The following HSPA9 variants were observed in gnomAD, a reference collection of about 807,000 sequenced individuals.
HSPA9 encodes the protein heat shock protein family A (Hsp70) member 9.
A neutral mutation model predicts 81.5 loss-of-function variants in HSPA9; 28 were observed. The observed-to-expected ratio is 0.34, with a 90% CI of 0.25 to 0.47. The LOEUF is 0.47. Ranked by LOEUF, HSPA9 falls within the 20% of genes least tolerant of loss-of-function variation. HSPA9 has a pLI of 1.00. For missense variants in HSPA9, 678 were observed against 838.0 expected (o/e 0.81, Z 2.36); for synonymous variants, 293 against 290.4 (o/e 1.01, Z -0.09).
Position 138,561,177 on chromosome 5 carries a change from G to A in HSPA9, c.1182+403C>T, listed in dbSNP as rs575426353. 301 of 424,034 alleles carry A rather than the reference G, an allele frequency of 7.1e-4. 2 individuals carry two copies. Among genetic ancestry groups the A allele is most frequent in the African/African-American group, 5.4e-3 (268 of 49,732 alleles). The allele number at this position is 424,034 out of a possible 1,614,324, so 26.3% of individuals were successfully genotyped here. A position where few individuals can be genotyped will look rare whatever the true frequency, so the allele number is the denominator to read the frequency against. On this transcript the variant is annotated intron_variant, in intron 10 of 16. Transcript: ENST00000297185. ...GTACAAAGATGGTGGCCGGGGGCGGGGTATTACCAAGGTTTTATGTTCCCC... is the reference window on the plus strand; with the variant it reads ...GTACAAAGATGGTGGCCGGGGGCGGAGTATTACCAAGGTTTTATGTTCCCC...
At chr5:138,570,811 C>G (rs1750866977) in intron 4 of HSPA9, 149 bp downstream of exon 4, 12 of 775,646 alleles carry the variant, frequency 1.5e-5, no homozygotes, top group Non-Finnish European at 2.2e-5. Flanking sequence ...AGGGATTACC[C>G]TTTTGGCAGT....
At chr5:138,561,336 T>TA (rs1270053514) in intron 10 of HSPA9, among the ~76,000 whole-genome samples, 3 of 152,120 alleles carry the variant, frequency 2.0e-5, no homozygotes, top group African/African-American at 7.2e-5. Flanking sequence ...ATATATAAAT[T>TA]AGACTCATGT....
chr5:138,558,118 C>T (rs1351700771), intron 12 of HSPA9, 132 bp from the exon 13 acceptor site: 5 of 730,466 alleles, frequency 6.8e-6, no homozygotes, highest in Non-Finnish European at 9.9e-6. Flanking sequence ...ATGTACAAAA[C>T]ACAAAGTTTA....
rs1317703655 is a variant in HSPA9 at position 138,569,122 on chromosome 5, G to A, written c.411-73C>T. ...CCATGACAAAATTACCACATACCAT[G>A]AACATCCATCTTCCACCCCAAGAGA... is the stretch of plus-strand genomic sequence containing the variant. On this transcript the variant is annotated intron_variant, in intron 4 of 16. Transcript: ENST00000297185. 5.6e-6 allele frequency: 8 copies of A among 1,435,880 alleles called. No homozygotes were observed. In the East Asian group the frequency reaches 9.2e-5, roughly 17 times the overall value. The allele number at this position is 1,435,880 out of a possible 1,614,324, so 88.9% of individuals were successfully genotyped here.
chr5:138,573,666 AAAGC>A, intron 3 of HSPA9, 93 bp downstream of exon 3: 1 of 607,788 alleles, frequency 1.6e-6, no homozygotes, highest in Non-Finnish European at 2.8e-6. Flanking sequence ...AAAAAAAAAA[AAAGC>A]GCAAATCAGG....
chr5:138,564,625 A>T (rs571163513), intron 9 of HSPA9, among the ~76,000 whole-genome samples: 1 of 152,150 alleles, frequency 6.6e-6, no homozygotes, highest in African/African-American at 2.4e-5. Context: ...CTGGTCCCCA[A>T]TTCCTGAGCT....
intron 1 of HSPA9, 185 bp from the exon 2 acceptor site, chr5:138,574,311 G>T: frequency 1.6e-6 from 1 of 641,206 alleles, no homozygotes; most frequent in Non-Finnish European, 2.8e-6. Flanking sequence ...ATTACAGTAG[G>T]ATTTCTCAAC....
intron 9 of HSPA9, among the ~76,000 whole-genome samples, chr5:138,566,113 A>G (rs1170610066): frequency 1.4e-5 from 2 of 146,652 alleles, no homozygotes; most frequent in African/African-American, 5.0e-5. Flanking sequence ...ACTTGAACCC[A>G]GGAGGCAGAG....
intron 13 of HSPA9, 40 bp downstream of exon 13, chr5:138,557,829 C>CT: frequency 8.0e-7 from 1 of 1,244,826 alleles, no homozygotes; most frequent in African/African-American, 1.5e-5. Context: ...CAAGACCTCC[C>CT]TCACCTCACT....
intron 9 of HSPA9, 105 bp downstream of exon 9, chr5:138,566,521 A>G: frequency 1.2e-6 from 1 of 863,348 alleles, no homozygotes; most frequent in Non-Finnish European, 2.0e-6. Context: ...ACAAACAAAC[A>G]AAAAAAACTC....
Position 138,567,118 on chromosome 5 carries a change from G to A in HSPA9, c.762C>T (p.Ile254=), listed in dbSNP as rs779217357. 2 of 1,613,028 alleles carry A rather than the reference G, an allele frequency of 1.2e-6. No homozygotes were observed. The highest frequency in any genetic ancestry group is 1.1e-5 in the South Asian group (1 of 91,054). Residue 254 remains isoleucine (I), a synonymous_variant, in exon 8 of 17, where the codon ATC becomes ATT. Transcript: ENST00000297185. The stretch of plus-strand genomic sequence containing the variant: ...CAAATACTCCTTTCTGAATTTCCAG[G>A]ATAGAAATATCAAAAGTTCCACCAC... ...DLGGGTFDIS[I]LEIQKGVFEV...
chr5:138,560,568 T>C (rs1211808105), intron 10 of HSPA9, among the ~76,000 whole-genome samples: 1 of 151,618 alleles, frequency 6.6e-6, no homozygotes, highest in Non-Finnish European at 1.5e-5. Context: ...CTTCTTCTTT[T>C]TTTTTTTTTT....
At chr5:138,559,171 C>T (rs1462852938) in intron 11 of HSPA9, 2 of 191,976 alleles carry the variant, frequency 1.0e-5, no homozygotes, top group African/African-American at 4.8e-5. Flanking sequence ...AGTGGCATGA[C>T]CTCAGCTCAT....
Position 138,555,583 on chromosome 5 carries a change from A to G in HSPA9, c.*454T>C, listed in dbSNP as rs1750503839. On this transcript the variant is annotated 3_prime_UTR_variant, in exon 17 of 17. Coordinates refer to ENST00000297185, the MANE Select transcript of HSPA9 (RefSeq NM_004134.7). ...CATGGCACAGCCAGCTTGACTTGCA[A>G]GGCCTCAGTTGAAGGACCCCATGTA... is the stretch of plus-strand genomic sequence containing the variant. The G allele has an allele frequency of 5.2e-6, 1 of 193,712 alleles. No homozygotes were observed. Among genetic ancestry groups the G allele is most frequent in the Admixed American group, 5.4e-5 (1 of 18,684 alleles). The allele number at this position is 193,712 out of a possible 1,614,324, so 12.0% of individuals were successfully genotyped here.
At position 138,568,959 on chromosome 5, in the gene HSPA9, T is replaced by G. The variant is rs755018660; in HGVS notation, c.501A>C (p.Gly167=). Residue 167 remains glycine (G), a synonymous_variant, in exon 5 of 17, where the codon GGA becomes GGC. Coordinates refer to ENST00000297185, the MANE Select transcript of HSPA9 (RefSeq NM_004134.7). ...CTTTCATCTTCATCAACACAAATGC[T>G]CCAATCTGACTCGGAGAATACAATT... ...HGKLYSPSQI[G]AFVLMKMKET... 2 of 1,613,940 alleles carry G rather than the reference T, an allele frequency of 1.2e-6. No homozygotes were observed. Among genetic ancestry groups the G allele is most frequent in the Non-Finnish European group, 1.7e-6 (2 of 1,179,916 alleles).
At chr5:138,566,863 A>G (rs1336789299) in intron 8 of HSPA9, 138 bp downstream of exon 8, 3 of 1,139,498 alleles carry the variant, frequency 2.6e-6, no homozygotes, top group East Asian at 2.3e-5. Flanking sequence ...ATGTGTAGGG[A>G]AAAAAAATAT....
chr5:138,558,675 C>T lies in HSPA9; in HGVS notation c.1411-18G>A. On this transcript the variant is annotated intron_variant, in intron 11 of 16. Coordinates refer to ENST00000297185, the MANE Select transcript of HSPA9 (RefSeq NM_004134.7). ...GAGAATACCTAGGGAAGAAGAAACC[C>T]TCCTGGGTTGTCAATGTGATTAACC... 6.7e-7 allele frequency: 1 copy of T among 1,502,114 alleles called. No individual in the cohort carries two copies. Among genetic ancestry groups the T allele is most frequent in the Non-Finnish European group, 9.3e-7 (1 of 1,077,856 alleles). The allele number at this position is 1,502,114 out of a possible 1,614,324, so 93.0% of individuals were successfully genotyped here. A position where few individuals can be genotyped will look rare whatever the true frequency, so the allele number is the denominator to read the frequency against.
Position 138,574,128 on chromosome 5 carries a change from T to TGGTGGCGGGCGGCCGTAGGGCCCCGGG in HSPA9, c.82-3_82-2insCCCGGGGCCCTACGGCCGCCCGCCACC. On this transcript the variant is annotated splice_polypyrimidine_tract_variant and splice_region_variant and intron_variant, in intron 1 of 16. Transcript: ENST00000297185. ...ATGACTAAGGCCATTCCAGCTATCC[T>TGGTGGCGGGCGGCCGTAGGGCCCCGGG]AAAAAAGAAAAAACTGACTCAGTCA... 6.2e-7 allele frequency: 1 copy of TGGTGGCGGGCGGCCGTAGGGCCCCGGG among 1,613,040 alleles called. No individual in the cohort carries two copies. Among genetic ancestry groups the TGGTGGCGGGCGGCCGTAGGGCCCCGGG allele is most frequent in the Admixed American group, 1.7e-5 (1 of 59,998 alleles).
chr5:138,568,885 G>T, intron 5 of HSPA9, 40 bp downstream of exon 5: 1 of 1,607,458 alleles, frequency 6.2e-7, no homozygotes. Context: ...AGGAATCATT[G>T]TTCTTAGAAC....
Sources: gnomAD v4.1 joint callset for allele counts (sites outside exome capture counted in the v4.1 genomes callset) on GRCh38, gnomAD v4.1.1 for gene constraint, MANE v1.5 for transcripts, NCBI Gene and HGNC (gene_info 2026-07-23, HGNC 2026-07-21) for gene names.